The following CCBE1 variants were observed in gnomAD, a reference collection of about 807,000 sequenced individuals.
The protein encoded by CCBE1 is collagen and calcium binding EGF domains 1.
CCBE1 carries 37 observed loss-of-function variants against 50.0 expected under a neutral mutation model. The observed-to-expected ratio is 0.74, with a 90% CI of 0.57 to 0.97. The LOEUF (loss-of-function observed/expected upper bound fraction) is 0.97, where lower values mean the gene tolerates loss of function less well. CCBE1 is among the 50% of genes least tolerant of loss of function. The pLI is 0.00. For missense variants in CCBE1, 538 were observed against 523.8 expected, an observed-to-expected ratio of 1.03 and a Z score of -0.26; for synonymous variants, 234 against 203.7, an observed-to-expected ratio of 1.15 and a Z score of -1.27.
In CCBE1 at chr18:59,487,911, A is replaced by G. The variant is rs571915105; in HGVS notation, c.213-7673T>C. ...TTTGTACACCAATGGTCATAGCAGC[A>G]TTATTCACAGTAGCCAGAAGGTAGA... On this transcript the variant is annotated intron_variant, in intron 2 of 10. Transcript: ENST00000439986. Among the ~76,000 whole-genome samples, 47 of 152,384 alleles carry G rather than the reference A, an allele frequency of 3.1e-4. No individual in the cohort carries two copies. The South Asian group carries it at 7.9e-3, about 25-fold the overall frequency.
Position 59,436,159 on chromosome 18 carries a change from A to C in CCBE1, c.988-18T>G, listed in dbSNP as rs1479998245. On this transcript the variant is annotated intron_variant, in intron 10 of 10. Transcript: ENST00000439986. The stretch of plus-strand genomic sequence containing the variant: ...GGGGGTCCCTGTGTACATGGGAGGA[A>C]TCAAAGCTAGAATACGACAGACAGC... 19 of 1,611,160 alleles carry C rather than the reference A, an allele frequency of 1.2e-5. No homozygotes were observed. The highest frequency in any genetic ancestry group is 1.6e-5 in the Non-Finnish European group (19 of 1,177,496).
intron 2 of CCBE1, among the ~76,000 whole-genome samples, chr18:59,571,073 C>A (rs1174414548): frequency 1.3e-5 from 2 of 152,120 alleles, no homozygotes; most frequent in Non-Finnish European, 2.9e-5. Context: ...AGCAGTCAGT[C>A]CCTAGGAGTG....
intron 2 of CCBE1, among the ~76,000 whole-genome samples, chr18:59,541,810 C>A (rs1319278147): frequency 6.6e-6 from 1 of 152,042 alleles, no homozygotes; most frequent in Non-Finnish European, 1.5e-5. Flanking sequence ...AGCCTTCTTC[C>A]AGCTGCTATC....
intron 3 of CCBE1, among the ~76,000 whole-genome samples, chr18:59,476,668 G>A (rs1312945024): frequency 2.0e-5 from 3 of 152,232 alleles, no homozygotes; most frequent in African/African-American, 2.4e-5. Context: ...CAGCAAATAC[G>A]AGGCAGCAAC....
intron 2 of CCBE1, among the ~76,000 whole-genome samples, chr18:59,687,731 AG>A (rs2054675407): frequency 6.6e-6 from 1 of 152,236 alleles, no homozygotes. Flanking sequence ...TGGGAGGCCG[AG>A]ATGGGTGGAT....
intron 10 of CCBE1, 62 bp from the exon 11 acceptor site, chr18:59,436,203 A>G (rs1910151628): frequency 2.1e-6 from 3 of 1,455,726 alleles, no homozygotes; most frequent in Middle Eastern, 2.2e-4. Context: ...CCGGGGCTCC[A>G]TGACTTGACC....
At position 59,560,783 on chromosome 18, in the gene CCBE1, G is replaced by A. The variant is rs1460840375; in HGVS notation, c.213-80545C>T. ...TGTCACGTGGACAACTTACCCAATA[G>A]CAGGATGGGTGTGTTGATGGATAAC... On this transcript the variant is annotated intron_variant, in intron 2 of 10. Transcript: ENST00000439986. Among the ~76,000 whole-genome samples, 5 of 152,202 alleles carry A rather than the reference G, an allele frequency of 3.3e-5. No individual in the cohort carries two copies. In the East Asian group the frequency reaches 9.6e-4, roughly 29 times the overall value.
chr18:59,652,284 A>T (rs117782496), intron 2 of CCBE1, among the ~76,000 whole-genome samples: 2,200 of 152,260 alleles, frequency 0.014, 27 homozygotes, highest in Non-Finnish European at 0.019. Flanking sequence ...AATCAAGAAA[A>T]ACTCAGCCAA....
intron 6 of CCBE1, among the ~76,000 whole-genome samples, 190 bp downstream of exon 6, chr18:59,454,661 A>G (rs1315545696): frequency 6.6e-6 from 1 of 152,166 alleles, no homozygotes; most frequent in African/African-American, 2.4e-5. Context: ...CCTTGCCATC[A>G]TTGTGTCCTG....
At chr18:59,573,769 G>A (rs2052952342) in intron 2 of CCBE1, among the ~76,000 whole-genome samples, 1 of 152,116 alleles carries the variant, frequency 6.6e-6, no homozygotes, top group Non-Finnish European at 1.5e-5. Context: ...TAGAGTCACT[G>A]CCTTAAACAT....
intron 2 of CCBE1, among the ~76,000 whole-genome samples, chr18:59,684,916 A>G (rs2054637174): frequency 6.6e-6 from 1 of 152,144 alleles, no homozygotes; most frequent in African/African-American, 2.4e-5. Context: ...AAATTCTTTC[A>G]GTTATCAGGA....
chr18:59,679,261 C>T lies in CCBE1; in HGVS notation c.212+17368G>A, dbSNP rs187718089. On this transcript the variant is annotated intron_variant, in intron 2 of 10. Transcript: ENST00000439986. ...AACACATCTGTTAAAATTTAAATAT[C>T]GCTCACTAGTGATAATGGAAGTACC... is the stretch of plus-strand genomic sequence containing the variant. Among the ~76,000 whole-genome samples the T allele has an allele frequency of 2.0e-3, 302 of 152,222 alleles. 3 individuals carry two copies. Among genetic ancestry groups the T allele is most frequent in the Non-Finnish European group, 3.4e-3 (232 of 68,018 alleles).
chr18:59,547,288 A>G (rs564334583), intron 2 of CCBE1, among the ~76,000 whole-genome samples: 1 of 152,246 alleles, frequency 6.6e-6, no homozygotes, highest in South Asian at 2.1e-4. Context: ...AGGTGGAAAA[A>G]ATAAGACAGA....
intron 3 of CCBE1, among the ~76,000 whole-genome samples, chr18:59,470,471 C>T (rs895012): frequency 0.017 from 2,602 of 152,100 alleles, 80 homozygotes; most frequent in African/African-American, 0.059. Flanking sequence ...ATAAGAGGGC[C>T]GATGCTTATG....
intron 6 of CCBE1, among the ~76,000 whole-genome samples, chr18:59,452,551 C>T (rs561703312): frequency 2.6e-5 from 4 of 152,312 alleles, no homozygotes; most frequent in African/African-American, 9.6e-5. Flanking sequence ...AGAGATCACA[C>T]CACTGCACTC....
intron 2 of CCBE1, among the ~76,000 whole-genome samples, chr18:59,502,224 A>T (rs1468082315): frequency 6.6e-6 from 1 of 152,168 alleles, no homozygotes; most frequent in African/African-American, 2.4e-5. Context: ...AGCTGTGGGC[A>T]GTGCTCAGCA....
intron 7 of CCBE1, among the ~76,000 whole-genome samples, chr18:59,444,410 T>A (rs763019290): frequency 1.3e-5 from 2 of 152,060 alleles, no homozygotes; most frequent in Middle Eastern, 6.8e-3. Flanking sequence ...TATGTTTAAT[T>A]TTTTGAGGAA....
chr18:59,527,680 G>A (rs1340870718), intron 2 of CCBE1, among the ~76,000 whole-genome samples: 1 of 151,712 alleles, frequency 6.6e-6, no homozygotes, highest in Non-Finnish European at 1.5e-5. Flanking sequence ...CAGGCCTTGT[G>A]GTGACAAATT....
chr18:59,653,007 C>T (rs1185066014), intron 2 of CCBE1, among the ~76,000 whole-genome samples: 19 of 152,004 alleles, frequency 1.2e-4, no homozygotes, highest in Admixed American at 1.2e-3. Context: ...TTGATGCCAG[C>T]CCCCCGTTAA....
Sources: allele counts gnomAD v4.1 joint callset (sites outside exome capture counted in the v4.1 genomes callset), GRCh38; gene constraint gnomAD v4.1.1; transcripts MANE v1.5; gene names NCBI Gene and HGNC (gene_info 2026-07-23, HGNC 2026-07-21).